The following TBC1D5 variants were observed in gnomAD, a reference collection of about 807,000 sequenced individuals.
TBC1D5 encodes the protein TBC1 domain family, member 5.
In TBC1D5, 75 loss-of-function variants were observed where a neutral mutation model predicts 100.3. The observed-to-expected ratio is 0.75, with a 90% confidence interval of 0.62 to 0.91. The LOEUF (loss-of-function observed/expected upper bound fraction) is 0.91. Among genes scored for constraint, TBC1D5 ranks in the 40% least tolerant of loss-of-function variants. TBC1D5 has a pLI of 0.00. For synonymous variants in TBC1D5, 323 were observed against 325.6 expected (o/e 0.99, Z 0.09); for missense variants, 910 against 942.4 (o/e 0.97, Z 0.45).
intron 16 of TBC1D5, among the ~76,000 whole-genome samples, chr3:17,240,942 T>G (rs1438262369): frequency 2.0e-5 from 3 of 152,164 alleles, no homozygotes; most frequent in African/African-American, 4.8e-5. Context: ...TAGATCAAGT[T>G]TATGCAGAGC....
At chr3:17,312,148 A>C (rs982421462) in intron 13 of TBC1D5, among the ~76,000 whole-genome samples, 1 of 152,092 alleles carries the variant, frequency 6.6e-6, no homozygotes. Context: ...CTGTGTAGAC[A>C]GTCTTAAAAT....
intron 1 of TBC1D5, among the ~76,000 whole-genome samples, chr3:17,677,807 A>G (rs370727165): frequency 1.3e-5 from 2 of 152,172 alleles, no homozygotes; most frequent in Non-Finnish European, 2.9e-5. Context: ...CATGGAATAC[A>G]ATGCAGCCAT....
chr3:17,390,234 C>T lies in TBC1D5; in HGVS notation c.510-6219G>A, dbSNP rs572317387. Among the ~76,000 whole-genome samples, 6 of 152,094 alleles carry T rather than the reference C, an allele frequency of 3.9e-5. No homozygotes were observed. In the South Asian group the frequency reaches 8.3e-4, roughly 21 times the overall value. The stretch of plus-strand genomic sequence containing the variant: ...AACAACTAAACACCAACTTTGGAGC[C>T]CCAATAACCAGGAACCCAGGTGCCT... On this transcript the variant is annotated intron_variant, in intron 8 of 21. Coordinates refer to ENST00000253692, the Ensembl canonical transcript of TBC1D5.
intron 15 of TBC1D5, 38 bp from the exon 16 acceptor site, chr3:17,258,629 A>T (rs2077973656): frequency 6.5e-7 from 1 of 1,529,590 alleles, no homozygotes; most frequent in Non-Finnish European, 9.0e-7. Context: ...TAGTTAAATG[A>T]TTTAATCCAT....
intron 1 of TBC1D5, among the ~76,000 whole-genome samples, chr3:17,632,073 G>C (rs1385325033): frequency 1.3e-5 from 2 of 152,144 alleles, no homozygotes; most frequent in African/African-American, 4.8e-5. Flanking sequence ...TTCTGGAAAG[G>C]ATTCATCATT....
chr3:17,183,418 A>G (rs766960339), intron 19 of TBC1D5, among the ~76,000 whole-genome samples: 7 of 152,220 alleles, frequency 4.6e-5, no homozygotes, highest in Non-Finnish European at 8.8e-5. Flanking sequence ...GCAAGTGGTA[A>G]GCGACCGAAC....
chr3:17,442,013 T>A (rs1194454255), intron 3 of TBC1D5, among the ~76,000 whole-genome samples: 2 of 152,128 alleles, frequency 1.3e-5, no homozygotes, highest in African/African-American at 4.8e-5. Context: ...ACCACTTGAG[T>A]GCTCTGAAAA....
At chr3:17,550,872 A>G (rs2096466479) in intron 2 of TBC1D5, among the ~76,000 whole-genome samples, 1 of 152,210 alleles carries the variant, frequency 6.6e-6, no homozygotes, top group Non-Finnish European at 1.5e-5. Flanking sequence ...TGTGCCTGCA[A>G]TAAAATGTGA....
chr3:17,266,434 A>C (rs1368595043), intron 15 of TBC1D5, among the ~76,000 whole-genome samples: 6 of 152,086 alleles, frequency 3.9e-5, no homozygotes, highest in Non-Finnish European at 5.9e-5. Flanking sequence ...TTTTCTTCTT[A>C]TATTACTTGT....
intron 13 of TBC1D5, among the ~76,000 whole-genome samples, chr3:17,330,272 G>C (rs979488357): frequency 6.6e-6 from 1 of 152,032 alleles, no homozygotes; most frequent in Non-Finnish European, 1.5e-5. Context: ...TCTATGAGGC[G>C]AAACTCCAAA....
intron 17 of TBC1D5, among the ~76,000 whole-genome samples, chr3:17,230,219 A>T (rs1311403581): frequency 6.6e-6 from 1 of 151,918 alleles, no homozygotes; most frequent in African/African-American, 2.4e-5. Context: ...ACTCTGGTTG[A>T]CTTGACATCC....
At chr3:17,603,903 T>G (rs1467545780) in intron 2 of TBC1D5, among the ~76,000 whole-genome samples, 4 of 151,956 alleles carry the variant, frequency 2.6e-5, no homozygotes, top group Non-Finnish European at 4.4e-5. Flanking sequence ...CCTCACCCTC[T>G]CAAAGTGCTG....
chr3:17,177,723 A>G (rs934116708), intron 19 of TBC1D5, among the ~76,000 whole-genome samples: 18 of 152,148 alleles, frequency 1.2e-4, no homozygotes, highest in African/African-American at 4.1e-4. Flanking sequence ...TCCTATTGAG[A>G]TGGCATCTTA....
At chr3:17,397,247 A>G (rs1348231828) in intron 8 of TBC1D5, among the ~76,000 whole-genome samples, 1 of 152,160 alleles carries the variant, frequency 6.6e-6, no homozygotes, top group East Asian at 1.9e-4. Context: ...TTGAGGAGAC[A>G]AAGTTTGCTT....
At chr3:17,508,034 G>A (rs1248874960) in intron 3 of TBC1D5, among the ~76,000 whole-genome samples, 1 of 149,398 alleles carries the variant, frequency 6.7e-6, no homozygotes, top group African/African-American at 2.5e-5. Flanking sequence ...AAAAGAGGAT[G>A]AACAAATTTC....
At chr3:17,537,397 G>A (rs1156790142) in intron 2 of TBC1D5, among the ~76,000 whole-genome samples, 2 of 152,132 alleles carry the variant, frequency 1.3e-5, no homozygotes, top group African/African-American at 2.4e-5. Context: ...CATAAGGGAG[G>A]AGGTAACAAG....
chr3:17,342,042 T>C (rs1485251126), intron 13 of TBC1D5, among the ~76,000 whole-genome samples: 2 of 152,190 alleles, frequency 1.3e-5, no homozygotes, highest in African/African-American at 4.8e-5. Context: ...CCTGCTGCCA[T>C]CTTATTTAGG....
intron 15 of TBC1D5, among the ~76,000 whole-genome samples, chr3:17,290,020 T>C (rs1294184491): frequency 6.6e-6 from 1 of 152,232 alleles, no homozygotes; most frequent in Non-Finnish European, 1.5e-5. Context: ...ACTTTTCCTA[T>C]AGATATCATC....
chr3:17,265,066 T>C (rs905277661), intron 15 of TBC1D5, among the ~76,000 whole-genome samples: 1 of 152,212 alleles, frequency 6.6e-6, no homozygotes, highest in African/African-American at 2.4e-5. Context: ...GGCTGTCTTA[T>C]TTCTCAGAAT....
Sources: allele counts gnomAD v4.1 joint callset (sites outside exome capture counted in the v4.1 genomes callset), GRCh38; gene constraint gnomAD v4.1.1; transcripts MANE v1.5; gene names NCBI Gene and HGNC (gene_info 2026-07-23, HGNC 2026-07-21).